ERCC6L2: variants seen among roughly 807,000 people sequenced by gnomAD.
ERCC6L2 encodes ERCC excision repair 6 like 2.
A neutral mutation model predicts 132.0 loss-of-function variants in ERCC6L2; 77 were observed. That is an observed-to-expected ratio of 0.58 (90% CI 0.49 to 0.71). The LOEUF is 0.71. Ranked by LOEUF, ERCC6L2 falls within the 30% of genes least tolerant of loss-of-function variation. The probability of loss-of-function intolerance (pLI) is 0.00; values close to 1 mark genes in which losing one functional copy is unlikely to be tolerated. For missense variants in ERCC6L2, 1,542 were observed against 1,837.6 expected (o/e 0.84, Z 2.94); for synonymous variants, 583 against 632.4 (o/e 0.92, Z 1.17).
At chr9:95,942,300 T>G (rs1328201867) in intron 12 of ERCC6L2, among the ~76,000 whole-genome samples, 1 of 152,116 alleles carries the variant, frequency 6.6e-6, no homozygotes, top group Non-Finnish European at 1.5e-5. Flanking sequence ...TCATTTTAAT[T>G]ATGAATGGGA....
chr9:95,974,245 T>C (rs1228843969), intron 16 of ERCC6L2, among the ~76,000 whole-genome samples: 1 of 152,194 alleles, frequency 6.6e-6, no homozygotes, highest in African/African-American at 2.4e-5. Context: ...CATTATTGCT[T>C]ACCCAGTGGC....
chr9:95,883,940 A>G (rs1221572585), intron 2 of ERCC6L2, among the ~76,000 whole-genome samples: 2 of 152,228 alleles, frequency 1.3e-5, no homozygotes, highest in South Asian at 2.1e-4. Context: ...CTTAAATACA[A>G]TTCGAATTCA....
At chr9:96,029,372 G>T (rs1356669200) in intron 19 of ERCC6L2, among the ~76,000 whole-genome samples, 1 of 147,856 alleles carries the variant, frequency 6.8e-6, no homozygotes, top group East Asian at 2.0e-4. Flanking sequence ...GTTAGGATAA[G>T]ACGTTAGGAT....
At chr9:96,034,654 C>A (rs2133270168) in intron 19 of ERCC6L2, among the ~76,000 whole-genome samples, 1 of 152,312 alleles carries the variant, frequency 6.6e-6, no homozygotes, top group Admixed American at 6.5e-5. Flanking sequence ...ACGGCTGGGG[C>A]TGCACACTCC....
intron 1 of ERCC6L2, chr9:95,876,299 C>CT: frequency 2.0e-6 from 1 of 490,944 alleles, no homozygotes; most frequent in Non-Finnish European, 3.7e-6. Flanking sequence ...AGTGCTGCCT[C>CT]TGACAGTTAC....
intron 17 of ERCC6L2, among the ~76,000 whole-genome samples, chr9:95,989,296 C>T (rs1269471145): frequency 6.6e-6 from 1 of 152,176 alleles, no homozygotes; most frequent in Non-Finnish European, 1.5e-5. Flanking sequence ...CTGACAGTCC[C>T]AACCCTCTGA....
intron 2 of ERCC6L2, among the ~76,000 whole-genome samples, chr9:95,896,296 C>T (rs1480887369): frequency 6.6e-6 from 1 of 151,858 alleles, no homozygotes; most frequent in African/African-American, 2.4e-5. Context: ...ATATAGGTTG[C>T]TTTTATTATC....
intron 13 of ERCC6L2, 149 bp downstream of exon 13, chr9:95,956,162 A>G (rs1409932140): frequency 4.3e-6 from 2 of 464,558 alleles, no homozygotes; most frequent in African/African-American, 4.0e-5. Flanking sequence ...ATACACTTTT[A>G]TGAAACAGAT....
At position 95,875,862 on chromosome 9, in the gene ERCC6L2, T is replaced by C. The variant is rs1228005639; in HGVS notation, c.-177T>C. ...GTTCTGCTTGGGTCCCCTTAGTCGC[T>C]ACCTTTGCTGGGATCCCCCTCCTCC... On this transcript the variant is annotated 5_prime_UTR_variant, in exon 1 of 19. Coordinates refer to ENST00000653738, the MANE Select transcript of ERCC6L2 (RefSeq NM_020207.7). 2.0e-5 allele frequency: 13 copies of C among 639,392 alleles called. No homozygotes were observed. The highest frequency in any genetic ancestry group is 3.5e-5 in the Non-Finnish European group (13 of 367,404). The allele number at this position is 639,392 out of a possible 1,614,324, so 39.6% of individuals were successfully genotyped here.
rs558819827 is a variant in ERCC6L2, at chr9:95,891,225, A to G, written c.472-6624A>G. On this transcript the variant is annotated intron_variant, in intron 2 of 18. Coordinates refer to ENST00000653738, the MANE Select transcript of ERCC6L2 (RefSeq NM_020207.7). The stretch of plus-strand genomic sequence containing the variant: ...TGTCCCTAACTCTGTCTCAAAAAAA[A>G]GCTCCTGTTTATTGAATCATTGATA... 1.4e-4 allele frequency among the ~76,000 whole-genome samples: 22 copies of G among 152,252 alleles called. No homozygotes were observed. In the South Asian group the frequency reaches 4.6e-3, roughly 32 times the overall value.
intron 12 of ERCC6L2, among the ~76,000 whole-genome samples, chr9:95,943,134 T>G (rs1830882679): frequency 6.6e-6 from 1 of 152,158 alleles, no homozygotes; most frequent in Non-Finnish European, 1.5e-5. Context: ...TCTAAAAAAT[T>G]ACTGGGAGTG....
chr9:95,883,304 G>A (rs1269850382), intron 2 of ERCC6L2, among the ~76,000 whole-genome samples: 1 of 152,118 alleles, frequency 6.6e-6, no homozygotes, highest in African/African-American at 2.4e-5. Flanking sequence ...TGGCTACAGT[G>A]CCTGATTAAA....
intron 2 of ERCC6L2, among the ~76,000 whole-genome samples, chr9:95,888,068 G>GTTTTTTTTTT (rs71368214): frequency 7.2e-6 from 1 of 138,926 alleles, no homozygotes; most frequent in Non-Finnish European, 1.6e-5. Context: ...GCACTTTGTG[G>GTTTTTTTTTT]TTTTTTTTTT....
chr9:96,022,406 C>T (rs1834306828), downstream of ERCC6L2, among the ~76,000 whole-genome samples: 1 of 152,210 alleles, frequency 6.6e-6, no homozygotes, highest in Non-Finnish European at 1.5e-5. Context: ...GTTTGTTAAA[C>T]ACTTCCAGTG....
chr9:95,950,555 G>C (rs949154847), intron 12 of ERCC6L2, among the ~76,000 whole-genome samples: 3 of 152,132 alleles, frequency 2.0e-5, no homozygotes, highest in Non-Finnish European at 2.9e-5. Context: ...TGGCAGAACA[G>C]ATTTAAAAAA....
intron 17 of ERCC6L2, 51 bp downstream of exon 17, chr9:95,978,266 A>T (rs1324239350): frequency 7.4e-6 from 9 of 1,214,336 alleles, no homozygotes; most frequent in Non-Finnish European, 9.7e-6. Flanking sequence ...TTTTTCACAG[A>T]AGTTACTCAA....
rs182068066 is a variant in ERCC6L2 at position 95,997,940 on chromosome 9, A to G, written c.3493-6580A>G. ...TATTTATCTTGTACCATTTATTGTG[A>G]AAGATTTACTATTTTAGTGAAACCA... On this transcript the variant is annotated intron_variant, in intron 17 of 18. Coordinates refer to ENST00000653738, the MANE Select transcript of ERCC6L2 (RefSeq NM_020207.7). 1.6e-4 allele frequency among the ~76,000 whole-genome samples: 25 copies of G among 152,346 alleles called. No individual in the cohort carries two copies. In the East Asian group the frequency reaches 4.6e-3, roughly 28 times the overall value.
intron 14 of ERCC6L2, among the ~76,000 whole-genome samples, chr9:95,969,902 G>T (rs2133068584): frequency 6.6e-6 from 1 of 152,182 alleles, no homozygotes; most frequent in East Asian, 1.9e-4. Context: ...AACAAATATA[G>T]CCTTAAAAAG....
At position 95,972,944 on chromosome 9, in the gene ERCC6L2, A is replaced by C. The variant is rs113902031; in HGVS notation, c.3193A>C (p.Ile1065Leu). Residue 1065 changes from isoleucine to leucine, a missense_variant, in exon 16 of 19, where the codon ATA (isoleucine) becomes CTA (leucine). Transcript: ENST00000653738. ...FSKQSHRPRT[I>L]RDRTSFSSKL... The stretch of plus-strand genomic sequence containing the variant: ...TAAACAGAGCCACAGACCAAGAACT[A>C]TAAGAGACAGAACTAGTTTTTCTTC... 7.6e-7 allele frequency: 1 copy of C among 1,311,040 alleles called. No individual in the cohort carries two copies. Among genetic ancestry groups the C allele is most frequent in the East Asian group, 5.3e-5 (1 of 18,872 alleles). 81.2% of individuals were successfully genotyped at this position (1,311,040 alleles called of 1,614,324 possible). A position where few individuals can be genotyped will look rare whatever the true frequency, so the allele number is the denominator to read the frequency against.
Sources: allele counts gnomAD v4.1 joint callset (sites outside exome capture counted in the v4.1 genomes callset), GRCh38; gene constraint gnomAD v4.1.1; transcripts MANE v1.5; gene names NCBI Gene and HGNC (gene_info 2026-07-23, HGNC 2026-07-21).